Variants in GAP43 observed in about 807,000 individuals in gnomAD.
The protein encoded by GAP43 is growth associated protein 43.
A neutral mutation model predicts 18.6 loss-of-function variants in GAP43; 6 were observed. That is an observed-to-expected ratio of 0.32 (90% CI 0.18 to 0.64). GAP43 has a LOEUF of 0.64. Among genes scored for constraint, GAP43 ranks in the 30% least tolerant of loss-of-function variants. GAP43 has a pLI of 0.78. For missense variants in GAP43, 292 were observed against 295.5 expected (o/e 0.99, Z 0.09); for synonymous variants, 115 against 111.4 (o/e 1.03, Z -0.20).
intron 1 of GAP43, among the ~76,000 whole-genome samples, chr3:115,625,052 G>A (rs972119046): frequency 6.6e-6 from 1 of 151,966 alleles, no homozygotes; most frequent in South Asian, 2.1e-4. Context: ...AATCCGAAGG[G>A]GGTGGAAGAG....
chr3:115,709,939 T>C (rs1240994435), intron 2 of GAP43, among the ~76,000 whole-genome samples: 2 of 152,082 alleles, frequency 1.3e-5, no homozygotes, highest in Non-Finnish European at 2.9e-5. Context: ...TATGGCTCGA[T>C]AACTTTTTCA....
intron 2 of GAP43, among the ~76,000 whole-genome samples, chr3:115,694,444 G>C (rs997397726): frequency 2.0e-5 from 3 of 152,166 alleles, no homozygotes; most frequent in African/African-American, 7.2e-5. Context: ...CACTTATTAG[G>C]CCCTCGCCAT....
At chr3:115,705,453 A>C (rs1301128010) in intron 2 of GAP43, among the ~76,000 whole-genome samples, 2 of 152,222 alleles carry the variant, frequency 1.3e-5, no homozygotes, top group African/African-American at 2.4e-5. Flanking sequence ...ATATTAAAAC[A>C]TTTAAAATCA....
At chr3:115,698,408 A>T (rs1223850850) in intron 2 of GAP43, among the ~76,000 whole-genome samples, 4 of 142,272 alleles carry the variant, frequency 2.8e-5, no homozygotes, top group Non-Finnish European at 6.0e-5. Flanking sequence ...ATTAGAAAAT[A>T]GTTTTGTGAC....
intron 2 of GAP43, among the ~76,000 whole-genome samples, chr3:115,701,291 C>T (rs901646314): frequency 6.6e-6 from 1 of 152,168 alleles, no homozygotes; most frequent in South Asian, 2.1e-4. Flanking sequence ...GTCATATATC[C>T]TCTGAGCCCC....
At chr3:115,672,433 A>C (rs1708823881) in intron 1 of GAP43, among the ~76,000 whole-genome samples, 1 of 152,112 alleles carries the variant, frequency 6.6e-6, no homozygotes, top group Non-Finnish European at 1.5e-5. Context: ...TCCTTGTCTT[A>C]ACAAAATACA....
intron 1 of GAP43, among the ~76,000 whole-genome samples, chr3:115,650,631 TAG>T (rs1483634240): frequency 4.6e-5 from 7 of 152,162 alleles, no homozygotes; most frequent in Admixed American, 1.3e-4. Flanking sequence ...AGCTCTACTC[TAG>T]AGACTCAGCA....
chr3:115,663,797 G>A (rs1269118688), intron 1 of GAP43: 1 of 1,551,782 alleles, frequency 6.4e-7, no homozygotes, highest in Non-Finnish European at 8.7e-7. Flanking sequence ...GTCCTGCTCT[G>A]AATTATGCCA....
At chr3:115,719,657 C>T (rs1709553247) in intron 2 of GAP43, among the ~76,000 whole-genome samples, 1 of 152,148 alleles carries the variant, frequency 6.6e-6, no homozygotes, top group African/African-American at 2.4e-5. Flanking sequence ...GTTTGGTTTC[C>T]TCCAAACTTT....
intron 1 of GAP43, among the ~76,000 whole-genome samples, chr3:115,624,595 G>C (rs576450353): frequency 1.1e-4 from 17 of 152,238 alleles, no homozygotes; most frequent in African/African-American, 4.1e-4. Flanking sequence ...TTTTCATCAG[G>C]AAGAGGGACA....
At chr3:115,709,745 C>T (rs1227949153) in intron 2 of GAP43, among the ~76,000 whole-genome samples, 2 of 151,926 alleles carry the variant, frequency 1.3e-5, no homozygotes, top group African/African-American at 4.8e-5. Context: ...AAGGTTATTA[C>T]TGGATAATCA....
chr3:115,712,159 T>C (rs969297727), intron 2 of GAP43, among the ~76,000 whole-genome samples: 1 of 152,166 alleles, frequency 6.6e-6, no homozygotes, highest in African/African-American at 2.4e-5. Flanking sequence ...CTGGGTTTTT[T>C]CTCCATTCAG....
At chr3:115,689,136 T>C (rs912034489) in intron 2 of GAP43, among the ~76,000 whole-genome samples, 2 of 152,238 alleles carry the variant, frequency 1.3e-5, no homozygotes, top group Admixed American at 6.5e-5. Flanking sequence ...TGAATGTCCC[T>C]TACTCAGACA....
At chr3:115,674,180 A>T (rs1456404240) in intron 1 of GAP43, among the ~76,000 whole-genome samples, 1 of 152,228 alleles carries the variant, frequency 6.6e-6, no homozygotes, top group Non-Finnish European at 1.5e-5. Context: ...GAGGCGCCGA[A>T]CATGTTACAT....
At chr3:115,657,320 C>T (rs766206690) in intron 1 of GAP43, among the ~76,000 whole-genome samples, 9 of 152,042 alleles carry the variant, frequency 5.9e-5, no homozygotes, top group Admixed American at 1.3e-4. Flanking sequence ...ACCCCCAGGA[C>T]GAAGAAAGGA....
intron 1 of GAP43, among the ~76,000 whole-genome samples, chr3:115,636,071 G>T (rs1293614463): frequency 6.6e-6 from 1 of 151,984 alleles, no homozygotes; most frequent in Non-Finnish European, 1.5e-5. Context: ...CATCTGTAAA[G>T]AATCAAACCA....
At chr3:115,633,358 G>A (rs959420640) in intron 1 of GAP43, among the ~76,000 whole-genome samples, 4 of 152,084 alleles carry the variant, frequency 2.6e-5, no homozygotes, top group African/African-American at 9.7e-5. Context: ...GGGTGACATA[G>A]GTTAGAGACA....
At chr3:115,719,228 C>T (rs144136522) in intron 2 of GAP43, among the ~76,000 whole-genome samples, 15 of 151,930 alleles carry the variant, frequency 9.9e-5, no homozygotes, top group African/African-American at 3.6e-4. Flanking sequence ...AACAATAGCT[C>T]CATTTTAAGA....
At chr3:115,681,640 G>A (rs1407617654) in intron 2 of GAP43, among the ~76,000 whole-genome samples, 2 of 152,112 alleles carry the variant, frequency 1.3e-5, no homozygotes, top group Non-Finnish European at 2.9e-5. Flanking sequence ...AAGGGACTAC[G>A]ATAGTTGGTT....
Sources: gnomAD v4.1 joint callset for allele counts (sites outside exome capture counted in the v4.1 genomes callset) on GRCh38, gnomAD v4.1.1 for gene constraint, MANE v1.5 for transcripts, NCBI Gene and HGNC (gene_info 2026-07-23, HGNC 2026-07-21) for gene names.